Variants in CLVS1 observed in about 807,000 individuals in gnomAD.
CLVS1 encodes clavesin 1.
CLVS1 carries 10 observed loss-of-function variants against 33.1 expected under a neutral mutation model. The ratio of observed to expected loss-of-function variants is 0.30; its 90% confidence interval spans 0.19 to 0.51. The LOEUF is 0.51. Among genes scored for constraint, CLVS1 ranks in the 20% least tolerant of loss-of-function variants. The probability of loss-of-function intolerance (pLI) is 0.97; values close to 1 mark genes in which losing one functional copy is unlikely to be tolerated. For missense variants in CLVS1, 343 were observed against 433.4 expected (o/e 0.79, Z 1.85); for synonymous variants, 163 against 166.1 (o/e 0.98, Z 0.14).
the CLVS1 span, among the ~76,000 whole-genome samples, chr8:61,001,645 T>C: frequency 1.3e-5 from 2 of 152,220 alleles, no homozygotes; most frequent in Admixed American, 6.5e-5. Flanking sequence ...GATGGACCAC[T>C]CCCCTTTGCC....
chr8:61,140,090 C>G (rs1806279292), intron 2 of CLVS1, among the ~76,000 whole-genome samples: 1 of 152,056 alleles, frequency 6.6e-6, no homozygotes. Context: ...CCATGGAGAC[C>G]AGAAAGAGAG....
chr8:61,112,650 C>T (rs149847385), intron 1 of CLVS1, among the ~76,000 whole-genome samples: 1 of 152,240 alleles, frequency 6.6e-6, no homozygotes, highest in East Asian at 1.9e-4. Context: ...AGATGTAGAG[C>T]AGAGATCAGT....
intron 2 of CLVS1, among the ~76,000 whole-genome samples, chr8:61,144,007 T>C (rs1806366327): frequency 6.6e-6 from 1 of 151,496 alleles, no homozygotes; most frequent in South Asian, 2.1e-4. Context: ...TTGTTTTCTC[T>C]TCAGCTATTA....
intron 2 of CLVS1, among the ~76,000 whole-genome samples, chr8:61,261,562 C>T (rs1328750549): frequency 6.6e-6 from 1 of 152,036 alleles, no homozygotes; most frequent in African/African-American, 2.4e-5. Flanking sequence ...TCCTAACTCT[C>T]AATGTGATAG....
At chr8:61,047,616 A>G in the CLVS1 span, among the ~76,000 whole-genome samples, 1 of 152,240 alleles carries the variant, frequency 6.6e-6, no homozygotes, top group African/African-American at 2.4e-5. Flanking sequence ...GCAGCCATAA[A>G]AAATGATGAG....
At chr8:61,272,584 A>G (rs1809465405) in intron 2 of CLVS1, among the ~76,000 whole-genome samples, 1 of 152,164 alleles carries the variant, frequency 6.6e-6, no homozygotes, top group Non-Finnish European at 1.5e-5. Context: ...TATCCTGCAG[A>G]GTGCTTTCCA....
At chr8:61,018,722 C>T in the CLVS1 span, among the ~76,000 whole-genome samples, 5 of 152,192 alleles carry the variant, frequency 3.3e-5, no homozygotes, top group Admixed American at 1.3e-4. Flanking sequence ...TGAGATCAGG[C>T]GGCATCTCAG....
chr8:61,098,893 A>T (rs1805400054), intron 1 of CLVS1, among the ~76,000 whole-genome samples: 1 of 152,200 alleles, frequency 6.6e-6, no homozygotes, highest in African/African-American at 2.4e-5. Flanking sequence ...AAGCAAAAAA[A>T]AGTTTTTTTA....
In CLVS1 at chr8:61,376,685, G is replaced by A. The variant is rs1813657568; in HGVS notation, c.536G>A (p.Gly179Asp). ...GAAGATCCGGAGCTTCAGATAAATG[G>A]CTTCATTTTAATTATAGACTGGAGT... ...LIEDPELQIN[G>D]FILIIDWSNF... is the part of the protein sequence containing the mutation. The change falls in exon 3 of 6, where the codon GGC becomes GAC. Residue 179 changes from glycine (G) to aspartate (D), a missense_variant. Around this residue, in one of 4 missense-constraint regions of CLVS1, gnomAD observed 166 missense variants for 244.0 expected, o/e 0.68. Coordinates refer to ENST00000325897, the MANE Select transcript of CLVS1 (RefSeq NM_173519.3). 1.9e-6 allele frequency: 3 copies of A among 1,613,988 alleles called. No individual in the cohort carries two copies. The highest frequency in any genetic ancestry group is 1.1e-5 in the South Asian group (1 of 91,090).
At chr8:61,387,142 C>A (rs1011696886) in intron 3 of CLVS1, among the ~76,000 whole-genome samples, 5 of 152,178 alleles carry the variant, frequency 3.3e-5, no homozygotes, top group African/African-American at 1.2e-4. Context: ...AATCCTAGCA[C>A]TTTGGGAGGC....
At chr8:61,202,447 G>A in intron 2 of CLVS1, 1 of 788,286 alleles carries the variant, frequency 1.3e-6, no homozygotes, top group Admixed American at 1.7e-5. Context: ...TCACTTTAAG[G>A]TGGATAATGA....
chr8:60,975,832 G>A, the CLVS1 span, among the ~76,000 whole-genome samples: 2 of 152,126 alleles, frequency 1.3e-5, no homozygotes, highest in African/African-American at 4.8e-5. Flanking sequence ...TAGTTGTGCT[G>A]GAGTAAAGAA....
chr8:61,374,949 T>C (rs1212286295), intron 2 of CLVS1, among the ~76,000 whole-genome samples: 1 of 152,112 alleles, frequency 6.6e-6, no homozygotes, highest in Non-Finnish European at 1.5e-5. Flanking sequence ...TGGGCTAATA[T>C]CTTTATTTTT....
At chr8:61,162,664 CATCTT>C (rs915213054) in intron 2 of CLVS1, among the ~76,000 whole-genome samples, 3 of 152,230 alleles carry the variant, frequency 2.0e-5, no homozygotes, top group Non-Finnish European at 2.9e-5. Context: ...TATGAGCACT[CATCTT>C]ATCTGATCCT....
At chr8:61,142,023 C>T (rs930265456) in intron 2 of CLVS1, among the ~76,000 whole-genome samples, 2 of 152,208 alleles carry the variant, frequency 1.3e-5, no homozygotes, top group South Asian at 2.1e-4. Flanking sequence ...TTTTCTTGTG[C>T]ACAGGCCTCA....
intron 2 of CLVS1, among the ~76,000 whole-genome samples, chr8:61,219,852 G>A (rs573693171): frequency 4.6e-5 from 7 of 152,304 alleles, no homozygotes; most frequent in Non-Finnish European, 8.8e-5. Context: ...TGACTCACGT[G>A]AGATGGTATC....
chr8:61,405,534 G>A (rs531128875), intron 3 of CLVS1, among the ~76,000 whole-genome samples: 18 of 152,238 alleles, frequency 1.2e-4, no homozygotes, highest in Admixed American at 3.3e-4. Context: ...AGCACTTTGA[G>A]AGGCCAAGGC....
At chr8:61,178,226 T>C (rs1172138324) in intron 2 of CLVS1, among the ~76,000 whole-genome samples, 4 of 151,878 alleles carry the variant, frequency 2.6e-5, no homozygotes, top group Admixed American at 2.6e-4. Flanking sequence ...GCTGAGTAGA[T>C]CAAGTGGAAG....
chr8:61,161,269 G>A (rs2129349), intron 2 of CLVS1, among the ~76,000 whole-genome samples: 80,725 of 151,836 alleles, frequency 0.53, 22,379 homozygotes, highest in Middle Eastern at 0.72. Context: ...TGGAGGCACC[G>A]CAGAAAACTA....
Sources: gnomAD v4.1 joint callset for allele counts (sites outside exome capture counted in the v4.1 genomes callset) on GRCh38, gnomAD v4.1.1 for gene constraint, gnomAD v4.1.1 regional missense constraint, MANE v1.5 for transcripts, NCBI Gene and HGNC (gene_info 2026-07-23, HGNC 2026-07-21) for gene names.